Variants in POLN observed in about 807,000 individuals in gnomAD.
POLN encodes the protein DNA polymerase N.
Under a neutral mutation model 113.5 loss-of-function variants are expected in POLN, and 108 were observed. The ratio of observed to expected loss-of-function variants is 0.95; its 90% CI spans 0.81 to 1.12. The LOEUF (loss-of-function observed/expected upper bound fraction) is 1.12, where lower values mean the gene tolerates loss of function less well. POLN is among the 50% of genes most tolerant of loss of function. The probability of loss-of-function intolerance (pLI) is 0.00; values close to 1 mark genes in which losing one functional copy is unlikely to be tolerated. For missense variants in POLN, 1,097 were observed against 1,077.1 expected (o/e 1.02, Z -0.26); for synonymous variants, 386 against 391.5 (o/e 0.99, Z 0.17).
intron 5 of POLN, among the ~76,000 whole-genome samples, chr4:2,203,249 C>A (rs1733759601): frequency 6.6e-6 from 1 of 152,122 alleles, no homozygotes; most frequent in Non-Finnish European, 1.5e-5. Context: ...CCTGAATGAT[C>A]ACTGGCTCAA....
Position 2,093,759 on chromosome 4 carries a change from T to A in POLN, c.2065+2092A>T, listed in dbSNP as rs1349220379. Among the ~76,000 whole-genome samples the A allele has an allele frequency of 6.6e-6, 1 of 152,196 alleles. No individual in the cohort carries two copies. The highest frequency in any genetic ancestry group is 1.5e-5 in the Non-Finnish European group (1 of 68,022). The stretch of plus-strand genomic sequence containing the variant: ...AACTCTGAGGAGAATCAATCCAATG[T>A]CACACTACTGTCACTCACAGAACCT... On this transcript the variant is annotated intron_variant, in intron 20 of 25. Coordinates refer to ENST00000511885, the MANE Select transcript of POLN (RefSeq NM_181808.4). The surrounding 1 kb of genome is among the most constrained non-coding windows in gnomAD (Gnocchi z 4.1).
chr4:2,164,929 G>C (rs1732693580), intron 13 of POLN, among the ~76,000 whole-genome samples: 1 of 150,334 alleles, frequency 6.7e-6, no homozygotes, highest in Non-Finnish European at 1.5e-5. Flanking sequence ...CAAGGATGTG[G>C]AGCAACAGGA....
intron 19 of POLN, among the ~76,000 whole-genome samples, chr4:2,097,927 C>G (rs6840015): frequency 0.093 from 14,110 of 152,138 alleles, 2,228 homozygotes; most frequent in African/African-American, 0.32. Flanking sequence ...CTTTGGGGGA[C>G]AGGCCCATGG....
intron 16 of POLN, among the ~76,000 whole-genome samples, chr4:2,136,997 G>A (rs1258760653): frequency 6.6e-6 from 1 of 152,118 alleles, no homozygotes; most frequent in Non-Finnish European, 1.5e-5. Flanking sequence ...GCACCTGAGA[G>A]GTGCTGTGCA....
chr4:2,123,962 T>G (rs1032302937), intron 19 of POLN, among the ~76,000 whole-genome samples: 2 of 152,196 alleles, frequency 1.3e-5, no homozygotes, highest in African/African-American at 4.8e-5. Flanking sequence ...CTTATTTATA[T>G]TGAAATATAT....
chr4:2,204,109 C>CAAAAAAAAAAA (rs566255148), intron 5 of POLN, among the ~76,000 whole-genome samples: 2 of 53,234 alleles, frequency 3.8e-5, no homozygotes, highest in East Asian at 5.8e-4. Flanking sequence ...AACTCTATCA[C>CAAAAAAAAAAA]AAAAAAAAAA....
intron 21 of POLN, 68 bp from the exon 22 acceptor site, chr4:2,081,811 G>T: frequency 1.4e-6 from 2 of 1,393,528 alleles, no homozygotes; most frequent in Non-Finnish European, 2.0e-6. Flanking sequence ...AGCTCCCTCG[G>T]GCCAGGTCCA....
intron 23 of POLN, 153 bp downstream of exon 23, chr4:2,080,805 G>A (rs925064513): frequency 8.6e-6 from 13 of 1,510,566 alleles, no homozygotes; most frequent in East Asian, 7.1e-5. Context: ...GCTGTGAGTA[G>A]CCCCCAGGGC....
chr4:2,099,061 A>C (rs1361694468), intron 19 of POLN, among the ~76,000 whole-genome samples: 2 of 152,270 alleles, frequency 1.3e-5, no homozygotes, highest in African/African-American at 4.8e-5. Flanking sequence ...ATCCCAAAGT[A>C]AAAAATAAAT....
intron 23 of POLN, chr4:2,076,739 A>C (rs1730286029): frequency 6.6e-6 from 1 of 152,322 alleles, no homozygotes; most frequent in Non-Finnish European, 1.5e-5. Flanking sequence ...TGTGACGGAG[A>C]GCCCCAGCTG....
chr4:2,119,589 C>G lies in POLN; in HGVS notation c.1982+8524G>C, dbSNP rs556623390. On this transcript the variant is annotated intron_variant, in intron 19 of 25. Coordinates refer to ENST00000511885, the MANE Select transcript of POLN (RefSeq NM_181808.4). ...TTCTTCCTAACTCCATTTATATAAG[C>G]TTAAAGGTTTTTCAAGGAAATTGTT... Among the ~76,000 whole-genome samples the G allele has an allele frequency of 3.3e-5, 5 of 152,252 alleles. No homozygotes were observed. In the South Asian group the frequency reaches 1.0e-3, roughly 32 times the overall value.
chr4:2,138,585 A>G (rs1346009501), intron 16 of POLN, among the ~76,000 whole-genome samples: 1 of 152,156 alleles, frequency 6.6e-6, no homozygotes, highest in Non-Finnish European at 1.5e-5. Flanking sequence ...AGCTCAGAGG[A>G]GAAGCCAAAG....
At chr4:2,142,906 C>T (rs1261496630) in intron 16 of POLN, among the ~76,000 whole-genome samples, 2 of 151,046 alleles carry the variant, frequency 1.3e-5, no homozygotes, top group Non-Finnish European at 2.9e-5. Flanking sequence ...TGAACCCTCA[C>T]CCCCTCTGTT....
At chr4:2,210,007 T>TTATATATATATATATATACACATA (rs139428211) in intron 4 of POLN, among the ~76,000 whole-genome samples, 6 of 146,166 alleles carry the variant, frequency 4.1e-5, no homozygotes, top group African/African-American at 1.2e-4. Context: ...TAAATTTACT[T>TTATATATATATATATATACACATA]TATATATATA....
intron 3 of POLN, among the ~76,000 whole-genome samples, chr4:2,222,384 AAAAC>A (rs1275115657): frequency 1.3e-5 from 2 of 152,048 alleles, no homozygotes; most frequent in African/African-American, 4.8e-5. Flanking sequence ...GTGTACTTAA[AAAAC>A]AAACAAACAA....
intron 13 of POLN, among the ~76,000 whole-genome samples, chr4:2,166,842 C>T (rs1254653245): frequency 6.6e-6 from 1 of 152,144 alleles, no homozygotes. Flanking sequence ...ATCAGCTTCC[C>T]TGGGTCTCCA....
rs376506693 is a variant in POLN at position 2,210,582 on chromosome 4, AAATAATAATAATAATAAT to A, written c.214-2113_214-2096del. Among the ~76,000 whole-genome samples, 200 of 121,150 alleles carry A rather than the reference AAATAATAATAATAATAAT, an allele frequency of 1.7e-3. 1 individual carries two copies. The highest frequency in any genetic ancestry group is 2.9e-3 in the African/African-American group (88 of 29,996). The allele number at this position is 121,150 out of a possible 152,430, so 79.5% of individuals were successfully genotyped here. A position where few individuals can be genotyped will look rare whatever the true frequency, so the allele number is the denominator to read the frequency against. ...TGTGCGACAGAGTGAGAAAGTCTCA[AAATAATAATAATAATAAT>A]AATAATAATAATAATAATAATAATA... On this transcript the variant is annotated intron_variant, in intron 4 of 25. Coordinates refer to ENST00000511885, the MANE Select transcript of POLN (RefSeq NM_181808.4).
intron 16 of POLN, among the ~76,000 whole-genome samples, chr4:2,139,065 A>G (rs1390503862): frequency 6.6e-6 from 1 of 152,134 alleles, no homozygotes; most frequent in Non-Finnish European, 1.5e-5. Context: ...CCGAGGAGCA[A>G]GGATGAGCAC....
intron 3 of POLN, among the ~76,000 whole-genome samples, chr4:2,220,328 C>T (rs1734225186): frequency 6.6e-6 from 1 of 152,188 alleles, no homozygotes; most frequent in Admixed American, 6.5e-5. Flanking sequence ...TGGCCACTTC[C>T]CAGCTACTTC....
Sources: allele counts gnomAD v4.1 joint callset (sites outside exome capture counted in the v4.1 genomes callset), GRCh38; gene constraint gnomAD v4.1.1; non-coding constraint Gnocchi (gnomAD v3.1); transcripts MANE v1.5; gene names NCBI Gene and HGNC (gene_info 2026-07-23, HGNC 2026-07-21).